Variants in GNPAT observed in about 807,000 individuals in gnomAD.
The protein encoded by GNPAT is dihydroxyacetone phosphate acyltransferase.
A neutral mutation model predicts 78.4 loss-of-function variants in GNPAT; 30 were observed. The observed-to-expected ratio is 0.38, with a 90% CI of 0.29 to 0.52. The LOEUF is 0.52. Among genes scored for constraint, GNPAT ranks in the 20% least tolerant of loss-of-function variants. GNPAT has a pLI of 0.84. For synonymous variants in GNPAT, 271 were observed against 281.1 expected (o/e 0.96, Z 0.36); for missense variants, 714 against 812.2 (o/e 0.88, Z 1.47).
chr1:231,267,530 T>TA (rs1377147443), intron 8 of GNPAT, 150 bp from the exon 9 acceptor site: 1 of 702,560 alleles, frequency 1.4e-6, no homozygotes, highest in Non-Finnish European at 2.6e-6. Context: ...TACACTATAG[T>TA]AAAGCAAAGG....
In GNPAT at chr1:231,251,013, A is replaced by T; in HGVS notation, c.131A>T (p.His44Leu). 2 of 1,611,576 alleles carry T rather than the reference A, an allele frequency of 1.2e-6. No homozygotes were observed. The highest frequency in any genetic ancestry group is 2.2e-5 in the South Asian group (2 of 91,030). Residue 44 changes from histidine to leucine, a missense_variant, in exon 2 of 16, where the codon CAT becomes CTT. Transcript: ENST00000366647. The stretch of plus-strand genomic sequence containing the variant: ...GAAGATATTTTAGAAGAGAGGAGGC[A>T]TGTCAGTGACTTGAAATTTGCAATG... ...EFEDILEERR[H>L]VSDLKFAMKC...
intron 9 of GNPAT, among the ~76,000 whole-genome samples, 168 bp downstream of exon 9, chr1:231,268,071 G>A (rs1303039216): frequency 6.6e-6 from 1 of 152,198 alleles, no homozygotes; most frequent in Non-Finnish European, 1.5e-5. Flanking sequence ...GGGAGGCCAA[G>A]GCAGGTGGAT....
intron 2 of GNPAT, among the ~76,000 whole-genome samples, chr1:231,257,703 T>G (rs966121188): frequency 1.3e-5 from 2 of 152,212 alleles, no homozygotes; most frequent in Non-Finnish European, 2.9e-5. Flanking sequence ...TTTCCATCTA[T>G]AGCTTGGTGG....
chr1:231,244,918 A>G (rs1485559655), intron 1 of GNPAT, among the ~76,000 whole-genome samples: 1 of 152,152 alleles, frequency 6.6e-6, no homozygotes, highest in Non-Finnish European at 1.5e-5. Context: ...ACAGTGTCCC[A>G]CAAGACTGTA....
At chr1:231,259,706 A>T (rs957879720) in intron 2 of GNPAT, among the ~76,000 whole-genome samples, 1 of 152,256 alleles carries the variant, frequency 6.6e-6, no homozygotes, top group Middle Eastern at 3.4e-3. Flanking sequence ...ATGAAAAAAA[A>T]GGGTAAGATA....
At chr1:231,263,269 GTACATT>G (rs1171926588) in intron 4 of GNPAT, among the ~76,000 whole-genome samples, 1 of 152,160 alleles carries the variant, frequency 6.6e-6, no homozygotes, top group East Asian at 1.9e-4. Context: ...GTGGCATTAA[GTACATT>G]TACATTGTTG....
chr1:231,275,116 T>C (rs1685673350), intron 12 of GNPAT, 105 bp from the exon 13 acceptor site: 1 of 756,644 alleles, frequency 1.3e-6, no homozygotes, highest in Non-Finnish European at 2.4e-6. Context: ...TCTCTTGTGA[T>C]ATATCCTTCT....
Position 231,276,193 on chromosome 1 carries a change from C to A in GNPAT, c.1996C>A (p.Leu666Ile). ...TGCCACAACCAAATTAGAAGAAATG[C>A]TTGGTAAGTGCAGTTTAATAAAATA... ...EPATTKLEEMLGCKTPIGKPA... is the reference protein window; with the variant it reads ...EPATTKLEEMIGCKTPIGKPA... Residue 666 changes from leucine to isoleucine, a missense_variant, in exon 15 of 16, where the codon CTT becomes ATT. Coordinates refer to ENST00000366647, the MANE Select transcript of GNPAT (RefSeq NM_014236.4). 2 of 1,411,758 alleles carry A rather than the reference C, an allele frequency of 1.4e-6. No homozygotes were observed. Among genetic ancestry groups the A allele is most frequent in the Non-Finnish European group, 2.0e-6 (2 of 997,082 alleles). The allele number at this position is 1,411,758 out of a possible 1,614,324, so 87.5% of individuals were successfully genotyped here.
At chr1:231,277,193 G>A (rs550451425) in intron 15 of GNPAT, among the ~76,000 whole-genome samples, 1 of 152,274 alleles carries the variant, frequency 6.6e-6, no homozygotes, top group South Asian at 2.1e-4. Context: ...TGAGGGTGAC[G>A]GAATCAATTA....
chr1:231,252,804 G>A (rs1414586506), intron 2 of GNPAT, among the ~76,000 whole-genome samples: 1 of 151,640 alleles, frequency 6.6e-6, no homozygotes, highest in Non-Finnish European at 1.5e-5. Flanking sequence ...ATTCAGAATT[G>A]CAGTATTCTT....
At chr1:231,265,876 T>C in intron 6 of GNPAT, 89 bp downstream of exon 6, 1 of 1,060,800 alleles carries the variant, frequency 9.4e-7, no homozygotes, top group East Asian at 2.4e-5. Context: ...CAAGATATTC[T>C]TTTCAAGTGT....
At chr1:231,262,427 GT>G (rs1374836580) in intron 3 of GNPAT, among the ~76,000 whole-genome samples, 2 of 152,160 alleles carry the variant, frequency 1.3e-5, no homozygotes, top group African/African-American at 4.8e-5. Flanking sequence ...TAAGATAACT[GT>G]ATATAAAATG....
At position 231,241,312 on chromosome 1, in the gene GNPAT, C is replaced by A. The variant is rs748437584; in HGVS notation, c.-67C>A. ...GGGCCGTCCTGAGCGAAAGAACCGCCCCCAGCAGGAGCACCACCACGGCTT... is the reference window on the plus strand; with the variant it reads ...GGGCCGTCCTGAGCGAAAGAACCGCACCCAGCAGGAGCACCACCACGGCTT... On this transcript the variant is annotated 5_prime_UTR_variant, in exon 1 of 16. Transcript: ENST00000366647. The A allele has an allele frequency of 4.1e-6, 6 of 1,449,664 alleles. No homozygotes were observed. The Admixed American group carries it at 6.7e-5, about 16-fold the overall frequency. 89.8% of individuals were successfully genotyped at this position (1,449,664 alleles called of 1,614,324 possible).
intron 2 of GNPAT, among the ~76,000 whole-genome samples, chr1:231,259,714 A>T (rs966664547): frequency 3.3e-5 from 5 of 152,002 alleles, no homozygotes; most frequent in African/African-American, 1.2e-4. Context: ...AAAGGGTAAG[A>T]TACTTCTTCA....
intron 2 of GNPAT, among the ~76,000 whole-genome samples, chr1:231,254,055 C>T (rs776006414): frequency 2.6e-5 from 4 of 152,130 alleles, no homozygotes; most frequent in East Asian, 1.9e-4. Context: ...TCAGGTGATC[C>T]GCCCACCTCG....
chr1:231,273,542 C>T (rs545156505), intron 11 of GNPAT, among the ~76,000 whole-genome samples: 9 of 152,252 alleles, frequency 5.9e-5, no homozygotes, highest in Non-Finnish European at 8.8e-5. Context: ...TGAGCCACCG[C>T]GCCCAGCCAG....
intron 9 of GNPAT, 64 bp from the exon 10 acceptor site, chr1:231,270,694 T>C (rs2102823097): frequency 5.9e-6 from 9 of 1,531,158 alleles, no homozygotes; most frequent in Non-Finnish European, 8.1e-6. Flanking sequence ...AACGTTAACG[T>C]ACGCTAGGCC....
In GNPAT at chr1:231,256,027, C is replaced by T. The variant is rs368566447; in HGVS notation, c.262-4480C>T. 1.2e-4 allele frequency among the ~76,000 whole-genome samples: 18 copies of T among 152,192 alleles called. No homozygotes were observed. In the East Asian group the frequency reaches 1.4e-3, roughly 11 times the overall value. On this transcript the variant is annotated intron_variant, in intron 2 of 15. Transcript: ENST00000366647. ...GCCTGTCTCTTTAAATGATGGAATG[C>T]GTCAGGATTTTATTCCAGCCTCTGG...
chr1:231,264,411 T>A (rs1685316087), intron 4 of GNPAT, among the ~76,000 whole-genome samples: 1 of 152,242 alleles, frequency 6.6e-6, no homozygotes, highest in Non-Finnish European at 1.5e-5. Context: ...TTGGTGCTTT[T>A]ATTCCTGTAA....
Sources: allele counts gnomAD v4.1 joint callset (sites outside exome capture counted in the v4.1 genomes callset), GRCh38; gene constraint gnomAD v4.1.1; transcripts MANE v1.5; gene names NCBI Gene and HGNC (gene_info 2026-07-23, HGNC 2026-07-21).